ABI3BP: variants seen among roughly 807,000 people sequenced by gnomAD.
ABI3BP encodes the protein ABI family member 3 binding protein.
A neutral mutation model predicts 268.6 loss-of-function variants in ABI3BP; 216 were observed. The ratio of observed to expected loss-of-function variants is 0.80; its 90% CI spans 0.72 to 0.90. The LOEUF is 0.90. Among genes scored for constraint, ABI3BP ranks in the 40% least tolerant of loss-of-function variants. ABI3BP has a pLI of 0.00. For missense variants in ABI3BP, 2,090 were observed against 2,182.4 expected (o/e 0.96, Z 0.84); for synonymous variants, 730 against 730.0 (o/e 1.00, Z 0.00).
chr3:100,860,995 G>A (rs2098992215), intron 14 of ABI3BP, among the ~76,000 whole-genome samples: 1 of 152,124 alleles, frequency 6.6e-6, no homozygotes, highest in Non-Finnish European at 1.5e-5. Flanking sequence ...TGAACCCAGA[G>A]GCTCACTCAG....
At chr3:100,760,163 A>T (rs964561209) in intron 63 of ABI3BP, among the ~76,000 whole-genome samples, 6 of 152,252 alleles carry the variant, frequency 3.9e-5, no homozygotes, top group African/African-American at 1.4e-4. Flanking sequence ...AATCCTCCCA[A>T]GCCAGAGAGG....
chr3:100,830,442 A>G (rs1032183671), intron 32 of ABI3BP, 136 bp downstream of exon 32: 6 of 669,596 alleles, frequency 9.0e-6, no homozygotes, highest in Non-Finnish European at 1.2e-5. Context: ...ATACTCTTAT[A>G]CATATTAAGA....
intron 14 of ABI3BP, 40 bp from the exon 15 acceptor site, chr3:100,851,980 T>C: frequency 6.7e-7 from 1 of 1,492,136 alleles, no homozygotes; most frequent in Non-Finnish European, 9.0e-7. Flanking sequence ...GAGATGTTAA[T>C]TTTGGTTAAA....
At chr3:100,786,029 G>A (rs1005039640) in intron 57 of ABI3BP, among the ~76,000 whole-genome samples, 2 of 144,884 alleles carry the variant, frequency 1.4e-5, no homozygotes, top group East Asian at 4.8e-4. Flanking sequence ...ACATGGAGAT[G>A]TACTGCCCAG....
chr3:100,804,497 C>T (rs2097643193), intron 51 of ABI3BP, among the ~76,000 whole-genome samples: 1 of 152,152 alleles, frequency 6.6e-6, no homozygotes, highest in South Asian at 2.1e-4. Flanking sequence ...AATATTTGAG[C>T]ATAGCGTAGA....
In ABI3BP at chr3:100,810,405, T is replaced by C. The variant is rs1269540045; in HGVS notation, c.3607+7A>G. The C allele has an allele frequency of 1.3e-6, 2 of 1,530,028 alleles. No individual in the cohort carries two copies. Among genetic ancestry groups the C allele is most frequent in the Admixed American group, 2.0e-5 (1 of 50,926 alleles). The allele number at this position is 1,530,028 out of a possible 1,614,324, so 94.8% of individuals were successfully genotyped here. ...CTCATATATGACATACAAAATAATGTATTTACCAGGTTCAGTCTGAGGCTC... is the reference window on the plus strand; with the variant it reads ...CTCATATATGACATACAAAATAATGCATTTACCAGGTTCAGTCTGAGGCTC... On this transcript the variant is annotated splice_region_variant and intron_variant, in intron 49 of 67. Coordinates refer to ENST00000471714, the MANE Select transcript of ABI3BP (RefSeq NM_001375547.2).
At chr3:100,774,740 T>C in intron 60 of ABI3BP, 67 bp from the exon 61 acceptor site, 1 of 1,214,908 alleles carries the variant, frequency 8.2e-7, no homozygotes, top group Non-Finnish European at 1.1e-6. Context: ...AATGAAAAAG[T>C]TGTAGACTAA....
At chr3:100,872,720 T>G (rs1300670804) in intron 9 of ABI3BP, among the ~76,000 whole-genome samples, 1 of 152,192 alleles carries the variant, frequency 6.6e-6, no homozygotes, top group Middle Eastern at 3.2e-3. Context: ...CTGAGGGATC[T>G]TAATTTGGGA....
rs561067382 is a variant in ABI3BP at position 100,832,572 on chromosome 3, A to G, written c.2315-222T>C. Among the ~76,000 whole-genome samples the G allele has an allele frequency of 2.0e-5, 3 of 152,298 alleles. No individual in the cohort carries two copies. The East Asian group carries it at 5.8e-4, about 29-fold the overall frequency. On this transcript the variant is annotated intron_variant, in intron 30 of 67. Coordinates refer to ENST00000471714, the MANE Select transcript of ABI3BP (RefSeq NM_001375547.2). Reference sequence around the variant, plus strand: ...TACATACAATTACATTTAAGAAACAAACATTAGAAACTATCATTATTTTCT... The same window carrying G: ...TACATACAATTACATTTAAGAAACAGACATTAGAAACTATCATTATTTTCT...
At chr3:100,825,625 G>A (rs2098366298) in intron 35 of ABI3BP, among the ~76,000 whole-genome samples, 160 bp downstream of exon 35, 1 of 152,184 alleles carries the variant, frequency 6.6e-6, no homozygotes, top group South Asian at 2.1e-4. Context: ...GGAGGCTTCA[G>A]TATTCTTCAG....
rs561424272 is a variant in ABI3BP, at chr3:100,846,441, C to G, written c.1654G>C (p.Gly552Arg). The change falls in exon 20 of 68, where the codon GGT (glycine) becomes CGT (arginine). Residue 552 changes from glycine to arginine, a missense_variant. By Grantham distance (125) the Gly-to-Arg change is moderately radical (BLOSUM62 -2). Transcript: ENST00000471714. The stretch of plus-strand genomic sequence containing the variant: ...TTCAGAGAAATAAATTGTGTTTTAC[C>G]GGGAGCTGGAAAAATAAAGAAACAA... Reference protein sequence around the residue: ...PEPTWTTPAPGKTQFISLKPK... With the variant: ...PEPTWTTPAPRKTQFISLKPK... The G allele has an allele frequency of 1.3e-6, 2 of 1,584,586 alleles. No individual in the cohort carries two copies. The highest frequency in any genetic ancestry group is 1.7e-6 in the Non-Finnish European group (2 of 1,164,162).
Position 100,874,992 on chromosome 3 carries a change from G to A in ABI3BP, c.818-59C>T. The A allele has an allele frequency of 1.1e-5, 11 of 991,844 alleles. No individual in the cohort carries two copies. The South Asian group carries it at 1.7e-4, about 15-fold the overall frequency. 61.4% of individuals were successfully genotyped at this position (991,844 alleles called of 1,614,324 possible). On this transcript the variant is annotated intron_variant, in intron 8 of 67. Transcript: ENST00000471714. ...AAGAAAGTGCATCATGACATAAAAT[G>A]AAGCTCAGCACATCAGATATTACAA...
At chr3:100,867,774 C>T (rs564419150) in intron 9 of ABI3BP, among the ~76,000 whole-genome samples, 1 of 151,510 alleles carries the variant, frequency 6.6e-6, no homozygotes, top group Non-Finnish European at 1.5e-5. Context: ...ATATTTGTGG[C>T]AAAAAATTTA....
intron 49 of ABI3BP, among the ~76,000 whole-genome samples, 153 bp downstream of exon 49, chr3:100,810,259 T>A (rs1443966886): frequency 3.3e-5 from 5 of 152,110 alleles, no homozygotes; most frequent in Admixed American, 2.6e-4. Context: ...ATTTGAGTAA[T>A]TACCAATGAT....
intron 63 of ABI3BP, among the ~76,000 whole-genome samples, chr3:100,764,414 A>G (rs531028342): frequency 5.3e-5 from 8 of 152,366 alleles, no homozygotes; most frequent in Middle Eastern, 3.4e-3. Context: ...TACTTAATAA[A>G]TGTTTGCTGA....
At chr3:100,822,751 A>G (rs1265523942) in intron 37 of ABI3BP, 79 bp from the exon 38 acceptor site, 40 of 1,233,902 alleles carry the variant, frequency 3.2e-5, no homozygotes, top group Non-Finnish European at 1.3e-5. Flanking sequence ...AAAAAACATG[A>G]CTCTACTGCT....
At chr3:100,863,947 G>A (rs2099024411) in intron 12 of ABI3BP, 55 bp downstream of exon 12, 1 of 1,218,578 alleles carries the variant, frequency 8.2e-7, no homozygotes, top group Non-Finnish European at 1.2e-6. Context: ...CTTCTTTGAA[G>A]CATGCATACA....
In ABI3BP at chr3:100,864,909, T is replaced by C. The variant is rs2099035242; in HGVS notation, c.989-2A>G. On this transcript the variant is annotated splice_acceptor_variant, in intron 10 of 67. Coordinates refer to ENST00000471714, the MANE Select transcript of ABI3BP (RefSeq NM_001375547.2). LOFTEE classifies it high-confidence loss of function. ...TTCTTGGAACTGTTTCAGGAGTCACTGAAAGGTAAAAAGCACAACTTTACA... is the reference window on the plus strand; with the variant it reads ...TTCTTGGAACTGTTTCAGGAGTCACCGAAAGGTAAAAAGCACAACTTTACA... The C allele has an allele frequency of 3.1e-6, 5 of 1,600,586 alleles. No individual in the cohort carries two copies. The highest frequency in any genetic ancestry group is 2.1e-4 in the Middle Eastern group (1 of 4,706).
In ABI3BP at chr3:100,817,330, T is replaced by C. The variant is rs1380582067; in HGVS notation, c.3148+106A>G. On this transcript the variant is annotated intron_variant, in intron 42 of 67. Coordinates refer to ENST00000471714, the MANE Select transcript of ABI3BP (RefSeq NM_001375547.2). ...TATAAAGTTGAAGGATAGCAGAAGA[T>C]GACAAGATAGTCCTACAAAGCTGAT... is the stretch of plus-strand genomic sequence containing the variant. The C allele has an allele frequency of 2.6e-5, 19 of 744,822 alleles. No individual in the cohort carries two copies. In the East Asian group the frequency reaches 5.3e-4, roughly 21 times the overall value. 46.1% of individuals were successfully genotyped at this position (744,822 alleles called of 1,614,324 possible).
Sources: gnomAD v4.1 joint callset for allele counts (sites outside exome capture counted in the v4.1 genomes callset) on GRCh38, gnomAD v4.1.1 for gene constraint, MANE v1.5 for transcripts, NCBI Gene and HGNC (gene_info 2026-07-23, HGNC 2026-07-21) for gene names.